WDR1: variants seen among roughly 807,000 people sequenced by gnomAD.
WDR1 encodes WD repeat-containing protein 1.
Under a neutral mutation model 71.9 loss-of-function variants are expected in WDR1, and 21 were observed. The ratio of observed to expected loss-of-function variants is 0.29; its 90% CI spans 0.21 to 0.42. WDR1 has a LOEUF of 0.42. Ranked by LOEUF, WDR1 falls within the 10% of genes least tolerant of loss-of-function variation. The probability of loss-of-function intolerance (pLI) is 1.00; values close to 1 mark genes in which losing one functional copy is unlikely to be tolerated. For missense variants in WDR1, 696 were observed against 824.5 expected, an observed-to-expected ratio of 0.84 and a Z score of 1.91; for synonymous variants, 424 against 347.4, an observed-to-expected ratio of 1.22 and a Z score of -2.45.
intron 2 of WDR1, among the ~76,000 whole-genome samples, chr4:10,104,337 C>T (rs1712894711): frequency 6.6e-6 from 1 of 152,128 alleles, no homozygotes; most frequent in African/African-American, 2.4e-5. Context: ...GGTTCTAATC[C>T]CTCCCATTTG....
chr4:10,103,774 G>GGGGGCC, intron 3 of WDR1, 122 bp downstream of exon 3: 1 of 274,298 alleles, frequency 3.6e-6, no homozygotes, highest in East Asian at 7.0e-5. Flanking sequence ...CCCCCAGCCT[G>GGGGGCC]CTCCCCCACC....
chr4:10,116,136 A>C lies in WDR1; in HGVS notation c.115T>G (p.Cys39Gly). The change falls in exon 2 of 15, where the codon TGC (cysteine) becomes GGC (glycine). Residue 39 changes from cysteine to glycine, a missense_variant. By Grantham distance (159) the Cys-to-Gly change is radical. Transcript: ENST00000499869. Reference protein sequence around the residue: ...GNNFLYTNGKCVILRNIDNPA... With the variant: ...GNNFLYTNGKGVILRNIDNPA... ...ACGTCGATGTTCCTTAGGATGACGC[A>C]CTTTCCATTGGTGTACAGAAAATTG... The C allele has an allele frequency of 1.2e-6, 2 of 1,613,608 alleles. No individual in the cohort carries two copies. Among genetic ancestry groups the C allele is most frequent in the Non-Finnish European group, 1.7e-6 (2 of 1,179,744 alleles).
At chr4:10,083,555 TG>T in intron 9 of WDR1, 1 of 473,640 alleles carries the variant, frequency 2.1e-6, no homozygotes, top group Non-Finnish European at 4.2e-6. Flanking sequence ...TCTCCCAGCC[TG>T]GGGGGACCTC....
chr4:10,088,281 G>A lies in WDR1; in HGVS notation c.717+12C>T, dbSNP rs751332106. The A allele has an allele frequency of 1.3e-4, 206 of 1,550,964 alleles. No homozygotes were observed. The highest frequency in any genetic ancestry group is 3.8e-4 in the Middle Eastern group (2 of 5,272). On this transcript the variant is annotated intron_variant, in intron 7 of 14. Coordinates refer to ENST00000499869, the MANE Select transcript of WDR1 (RefSeq NM_017491.5). The stretch of plus-strand genomic sequence containing the variant: ...TTCCCACCACTAGGCCGGGAAACAC[G>A]CTCATACTCACTGCGTAAATCCCAC...
Position 10,083,290 on chromosome 4 carries a change from C to T in WDR1, c.1040-112G>A, listed in dbSNP as rs1578419765. The T allele has an allele frequency of 9.0e-6, 12 of 1,340,360 alleles. No homozygotes were observed. The Admixed American group carries it at 1.6e-4, about 18-fold the overall frequency. 83.0% of individuals were successfully genotyped at this position (1,340,360 alleles called of 1,614,324 possible). On this transcript the variant is annotated intron_variant, in intron 9 of 14. Transcript: ENST00000499869. ...TCAAGAATGAGAATCTCGCCGCAAA[C>T]GGACATAACCATTCCCCCTGGGAAG...
chr4:10,098,449 A>AG (rs1448045836), intron 4 of WDR1, among the ~76,000 whole-genome samples: 1 of 152,172 alleles, frequency 6.6e-6, no homozygotes, highest in African/African-American at 2.4e-5. Context: ...ATGGTGCTGC[A>AG]GGGGGGACTC....
intron 8 of WDR1, among the ~76,000 whole-genome samples, chr4:10,085,944 C>A (rs1711523648): frequency 6.6e-6 from 1 of 152,120 alleles, no homozygotes; most frequent in South Asian, 2.1e-4. Context: ...ATGCTGGTTG[C>A]TTTTTTGGGA....
Position 10,087,861 on chromosome 4 carries a change from T to C in WDR1, c.797A>G (p.Asn266Ser), listed in dbSNP as rs937557285. The change falls in exon 8 of 15, where the codon AAC (asparagine) becomes AGC (serine). Residue 266 changes from asparagine to serine, a missense_variant. Coordinates refer to ENST00000499869, the MANE Select transcript of WDR1 (RefSeq NM_017491.5). ...CATGGGAAATGTGCTGACCACGGAG[T>C]TCACGCTGACGTCCCAAATCTTGGA... ...KTSKIWDVSV[N>S]SVVSTFPMGS... 1 of 1,571,454 alleles carries C rather than the reference T, an allele frequency of 6.4e-7. No individual in the cohort carries two copies. Among genetic ancestry groups the C allele is most frequent in the Non-Finnish European group, 8.6e-7 (1 of 1,157,580 alleles).
At chr4:10,084,600 C>G in intron 8 of WDR1, 70 bp from the exon 9 acceptor site, 1 of 1,470,974 alleles carries the variant, frequency 6.8e-7, no homozygotes, top group East Asian at 2.3e-5. Context: ...CCGCTTTCCA[C>G]CAACGAAGCT....
chr4:10,077,389 G>A lies in WDR1; in HGVS notation c.1629C>T (p.Asp543=). 2 of 1,614,020 alleles carry A rather than the reference G, an allele frequency of 1.2e-6. No individual in the cohort carries two copies. The highest frequency in any genetic ancestry group is 1.7e-6 in the Non-Finnish European group (2 of 1,179,876). ...AKIVCLAWSP[D]NEHFASGGMD... Reference sequence around the variant, plus strand: ...TGCCACCGGAGGCAAAGTGTTCATTGTCTGGGGACCAGGCCAGGCAGACGA... The same window carrying A: ...TGCCACCGGAGGCAAAGTGTTCATTATCTGGGGACCAGGCCAGGCAGACGA... The change falls in exon 14 of 15, where the codon GAC becomes GAT. Residue 543 remains aspartate (D), a synonymous_variant. Transcript: ENST00000499869.
chr4:10,088,918 G>A (rs1388787982), intron 5 of WDR1, among the ~76,000 whole-genome samples, 177 bp from the exon 6 acceptor site: 1 of 152,240 alleles, frequency 6.6e-6, no homozygotes. Flanking sequence ...TGGAGGGGCA[G>A]GAGTCTGCTC....
At chr4:10,078,261 C>A (rs1560526890) in intron 12 of WDR1, among the ~76,000 whole-genome samples, 1 of 152,218 alleles carries the variant, frequency 6.6e-6, no homozygotes, top group Non-Finnish European at 1.5e-5. Context: ...ATGGAGGGCA[C>A]TGCCACGCCT....
chr4:10,086,135 G>A (rs1171224982), intron 8 of WDR1, among the ~76,000 whole-genome samples: 1 of 152,172 alleles, frequency 6.6e-6, no homozygotes, highest in Non-Finnish European at 1.5e-5. Context: ...CTGGGCAGTA[G>A]CGAAGCCTTA....
At chr4:10,100,021 T>A (rs1414067277) in intron 3 of WDR1, among the ~76,000 whole-genome samples, 2 of 152,208 alleles carry the variant, frequency 1.3e-5, no homozygotes, top group Non-Finnish European at 2.9e-5. Context: ...AGCACTGTGT[T>A]GGCGTGAAGA....
intron 13 of WDR1, 71 bp from the exon 14 acceptor site, chr4:10,077,519 T>C (rs1764843359): frequency 1.9e-6 from 3 of 1,602,534 alleles, no homozygotes; most frequent in Non-Finnish European, 1.7e-6. Flanking sequence ...TCACCTCGCT[T>C]ATCCCTCATG....
At chr4:10,095,308 A>G (rs1304457926) in intron 5 of WDR1, among the ~76,000 whole-genome samples, 1 of 152,272 alleles carries the variant, frequency 6.6e-6, no homozygotes, top group African/African-American at 2.4e-5. Flanking sequence ...TCTAAAATAA[A>G]AAATGCCCAC....
intron 2 of WDR1, among the ~76,000 whole-genome samples, chr4:10,104,293 G>C (rs4697919): frequency 1 from 152,085 of 152,314 alleles, 75,928 homozygotes; most frequent in Middle Eastern, 1. Context: ...CAGTGAAACA[G>C]ATACACAAAA....
Position 10,075,135 on chromosome 4 carries a change from T to C in WDR1, c.*243A>G. The stretch of plus-strand genomic sequence containing the variant: ...GGTTTGGTTGGGCTGTGGGTTTTAG[T>C]TATGCTCCACACATTGTTTAGGTGC... On this transcript the variant is annotated 3_prime_UTR_variant, in exon 15 of 15. Coordinates refer to ENST00000499869, the MANE Select transcript of WDR1 (RefSeq NM_017491.5). 1 of 507,788 alleles carries C rather than the reference T, an allele frequency of 2.0e-6. No individual in the cohort carries two copies. Among genetic ancestry groups the C allele is most frequent in the Non-Finnish European group, 3.5e-6 (1 of 287,048 alleles). 31.5% of individuals were successfully genotyped at this position (507,788 alleles called of 1,614,324 possible). A position where few individuals can be genotyped will look rare whatever the true frequency, so the allele number is the denominator to read the frequency against.
Position 10,074,478 on chromosome 4 carries a change from G to T in WDR1, c.*900C>A, listed in dbSNP as rs1419104638. On this transcript the variant is annotated 3_prime_UTR_variant, in exon 15 of 15. Coordinates refer to ENST00000499869, the MANE Select transcript of WDR1 (RefSeq NM_017491.5). The stretch of plus-strand genomic sequence containing the variant: ...CACACGCAAAAACACTCCCAATCAC[G>T]GTGCTTTATACTTACTTTTAATTTC... 1 of 152,556 alleles carries T rather than the reference G, an allele frequency of 6.6e-6. No individual in the cohort carries two copies. The highest frequency in any genetic ancestry group is 2.1e-4 in the South Asian group (1 of 4,818). The allele number at this position is 152,556 out of a possible 1,614,324, so 9.5% of individuals were successfully genotyped here.
Sources: allele counts gnomAD v4.1 joint callset (sites outside exome capture counted in the v4.1 genomes callset), GRCh38; gene constraint gnomAD v4.1.1; transcripts MANE v1.5; gene names NCBI Gene and HGNC (gene_info 2026-07-23, HGNC 2026-07-21).